The following P2RY14 variants were observed in gnomAD, a reference collection of about 807,000 sequenced individuals.
P2RY14 encodes purinergic receptor P2Y14.
Under a neutral mutation model 0.9 loss-of-function variants are expected in P2RY14, and 2 were observed. The observed-to-expected ratio is 2.16, with a 90% CI of 0.88 to 6.79. The LOEUF (loss-of-function observed/expected upper bound fraction) is 6.79. Ranked by LOEUF, P2RY14 falls within the 30% of genes most tolerant of loss-of-function variation. The pLI is 0.05. For missense variants in P2RY14, 378 were observed against 400.1 expected (o/e 0.94, Z 0.47); for synonymous variants, 158 against 147.2 (o/e 1.07, Z -0.53).
intron 1 of P2RY14, among the ~76,000 whole-genome samples, chr3:151,234,101 T>C: frequency 6.6e-6 from 1 of 152,240 alleles, no homozygotes; most frequent in East Asian, 1.9e-4. Flanking sequence ...AGAAAACTCC[T>C]GCAGATGCAT....
At chr3:151,243,070 A>G (rs1490768854) in intron 1 of P2RY14, among the ~76,000 whole-genome samples, 1 of 150,554 alleles carries the variant, frequency 6.6e-6, no homozygotes, top group African/African-American at 2.4e-5. Context: ...TAGAGAAAAA[A>G]GAATAAAAAG....
intron 1 of P2RY14, among the ~76,000 whole-genome samples, chr3:151,248,414 G>A (rs535049318): frequency 1.3e-5 from 2 of 152,058 alleles, no homozygotes; most frequent in Non-Finnish European, 2.9e-5. Context: ...TTAGCATTTT[G>A]TGCTTTTAAA....
At chr3:151,235,788 G>C (rs572116471) in intron 1 of P2RY14, among the ~76,000 whole-genome samples, 1 of 152,162 alleles carries the variant, frequency 6.6e-6, no homozygotes, top group South Asian at 2.1e-4. Flanking sequence ...TCAGTCTCTG[G>C]TACCTTTGTG....
intron 1 of P2RY14, among the ~76,000 whole-genome samples, chr3:151,251,967 C>G (rs1188148509): frequency 2.6e-5 from 4 of 152,140 alleles, no homozygotes; most frequent in African/African-American, 7.2e-5. Context: ...GATTTTGATT[C>G]TTTTAACATA....
At chr3:151,216,246 G>C (rs1728197643) in intron 2 of P2RY14, among the ~76,000 whole-genome samples, 1 of 152,178 alleles carries the variant, frequency 6.6e-6, no homozygotes, top group Admixed American at 6.6e-5. Flanking sequence ...ATGAATCCTT[G>C]CTCTTAAGAT....
At chr3:151,263,216 A>C (rs1165124826) in intron 1 of P2RY14, among the ~76,000 whole-genome samples, 2 of 152,154 alleles carry the variant, frequency 1.3e-5, no homozygotes. Context: ...GATTTGGCTA[A>C]TCAGCCTCAC....
chr3:151,214,965 T>A (rs989179395), intron 2 of P2RY14, among the ~76,000 whole-genome samples: 1 of 152,192 alleles, frequency 6.6e-6, no homozygotes, highest in Non-Finnish European at 1.5e-5. Context: ...AATGTTTACA[T>A]ATTAAGAGCT....
chr3:151,240,435 C>T (rs1433402096), intron 1 of P2RY14, among the ~76,000 whole-genome samples: 1 of 152,206 alleles, frequency 6.6e-6, no homozygotes, highest in South Asian at 2.1e-4. Context: ...TGAATAGCTG[C>T]TGCGTGCCAG....
At chr3:151,221,996 T>C (rs1729455860) in intron 1 of P2RY14, among the ~76,000 whole-genome samples, 1 of 152,178 alleles carries the variant, frequency 6.6e-6, no homozygotes, top group Admixed American at 6.5e-5. Flanking sequence ...CCCAAGACCA[T>C]GGGAACCCAC....
intron 1 of P2RY14, among the ~76,000 whole-genome samples, chr3:151,255,985 G>C (rs1178083395): frequency 6.6e-6 from 1 of 152,184 alleles, no homozygotes; most frequent in East Asian, 1.9e-4. Flanking sequence ...TCTAAGGTCA[G>C]TAAATGGTAG....
chr3:151,213,593 A>T lies in P2RY14; in HGVS notation c.724T>A (p.Phe242Ile). ...TGGTAAGGTACAAAACAGACAAAAAACACAAACACGATGCTGAATATGTTG... is the reference window on the plus strand; with the variant it reads ...TGGTAAGGTACAAAACAGACAAAAATCACAAACACGATGCTGAATATGTTG... ...SRNIFSIVFV[F>I]FVCFVPYHIA... The change falls in exon 3 of 3, where the codon TTT becomes ATT. Residue 242 changes from phenylalanine to isoleucine, a missense_variant. Transcript: ENST00000309170. 1 of 1,614,210 alleles carries T rather than the reference A, an allele frequency of 6.2e-7. No homozygotes were observed. Among genetic ancestry groups the T allele is most frequent in the Non-Finnish European group, 8.5e-7 (1 of 1,180,044 alleles).
At chr3:151,273,493 G>A (rs768224896) in intron 1 of P2RY14, among the ~76,000 whole-genome samples, 6 of 149,190 alleles carry the variant, frequency 4.0e-5, no homozygotes, top group Non-Finnish European at 8.9e-5. Context: ...TGCCCACCTC[G>A]GCCTCCCAAA....
intron 2 of P2RY14, among the ~76,000 whole-genome samples, chr3:151,215,515 T>C (rs1465306832): frequency 6.6e-6 from 1 of 152,252 alleles, no homozygotes; most frequent in Non-Finnish European, 1.5e-5. Context: ...AAATTACATA[T>C]GTGTTTCACA....
At chr3:151,255,943 G>GT (rs1217770231) in intron 1 of P2RY14, among the ~76,000 whole-genome samples, 4 of 152,150 alleles carry the variant, frequency 2.6e-5, no homozygotes, top group African/African-American at 7.2e-5. Flanking sequence ...TTTAAATCAC[G>GT]TAAGGTGTAT....
chr3:151,262,750 T>C (rs1410719538), intron 1 of P2RY14, among the ~76,000 whole-genome samples: 2 of 128,608 alleles, frequency 1.6e-5, no homozygotes, highest in African/African-American at 5.5e-5. Flanking sequence ...GGAATAATAA[T>C]AATACCTAAG....
chr3:151,276,318 A>G (rs1354648005), intron 1 of P2RY14, among the ~76,000 whole-genome samples: 1 of 152,220 alleles, frequency 6.6e-6, no homozygotes, highest in Non-Finnish European at 1.5e-5. Context: ...GCACTTTGAG[A>G]TCCACTGCTC....
intron 1 of P2RY14, chr3:151,270,209 G>GTGTGTGTGTT (rs907881268): frequency 1.3e-5 from 2 of 153,070 alleles, no homozygotes; most frequent in Non-Finnish European, 2.9e-5. Flanking sequence ...GTGTGTGTGT[G>GTGTGTGTGTT]TGTGTGTGTG....
chr3:151,227,694 G>C (rs1413867410), intron 1 of P2RY14, among the ~76,000 whole-genome samples: 1 of 152,208 alleles, frequency 6.6e-6, no homozygotes, highest in African/African-American at 2.4e-5. Flanking sequence ...CAAACTGGGG[G>C]CCAGGAAAAT....
intron 1 of P2RY14, among the ~76,000 whole-genome samples, chr3:151,234,137 C>T (rs1178983638): frequency 6.6e-6 from 1 of 152,170 alleles, no homozygotes; most frequent in African/African-American, 2.4e-5. Flanking sequence ...CAAGAACACT[C>T]ATAGAAGCAC....
Sources: allele counts gnomAD v4.1 joint callset (sites outside exome capture counted in the v4.1 genomes callset), GRCh38; gene constraint gnomAD v4.1.1; transcripts MANE v1.5; gene names NCBI Gene and HGNC (gene_info 2026-07-23, HGNC 2026-07-21).